Variants in COMMD10 observed in about 807,000 individuals in gnomAD.
The protein encoded by COMMD10 is COMM domain containing 10, also known as COMM domain-containing protein 10.
COMMD10 carries 33 observed loss-of-function variants against 28.9 expected under a neutral mutation model. That is an observed-to-expected ratio of 1.14 (90% CI 0.87 to 1.53). The LOEUF is 1.53. COMMD10 is among the 40% of genes most tolerant of loss of function. COMMD10 has a pLI of 0.00. For synonymous variants in COMMD10, 110 were observed against 81.7 expected, an observed-to-expected ratio of 1.35 and a Z score of -1.87; for missense variants, 310 against 233.4, an observed-to-expected ratio of 1.33 and a Z score of -2.14.
intron 5 of COMMD10, among the ~76,000 whole-genome samples, chr5:116,196,186 C>G (rs763419485): frequency 1.6e-4 from 25 of 152,228 alleles, no homozygotes; most frequent in Non-Finnish European, 3.2e-4. Flanking sequence ...GGAACCAACC[C>G]AAATAAATGC....
At chr5:116,266,685 C>CA (rs1750593389) in intron 5 of COMMD10, among the ~76,000 whole-genome samples, 1 of 151,696 alleles carries the variant, frequency 6.6e-6, no homozygotes, top group African/African-American at 2.4e-5. Flanking sequence ...AACATCGATG[C>CA]AAAAATCCTC....
intron 5 of COMMD10, among the ~76,000 whole-genome samples, chr5:116,206,007 T>C (rs551176327): frequency 6.6e-6 from 1 of 152,322 alleles, no homozygotes; most frequent in Non-Finnish European, 1.5e-5. Context: ...AAAAGGGCAC[T>C]TGAGAAACAA....
chr5:116,145,737 C>G (rs914799814), intron 5 of COMMD10, among the ~76,000 whole-genome samples: 1 of 151,798 alleles, frequency 6.6e-6, no homozygotes, highest in South Asian at 2.1e-4. Context: ...CCATGCTGTT[C>G]TCCTGATAGT....
At chr5:116,178,610 A>G (rs1747838367) in intron 5 of COMMD10, among the ~76,000 whole-genome samples, 1 of 152,098 alleles carries the variant, frequency 6.6e-6, no homozygotes, top group Non-Finnish European at 1.5e-5. Context: ...GTCCCTAAAA[A>G]CATTCACTAT....
chr5:116,259,632 C>A (rs1018648216), intron 5 of COMMD10, among the ~76,000 whole-genome samples: 1 of 151,546 alleles, frequency 6.6e-6, no homozygotes, highest in Non-Finnish European at 1.5e-5. Flanking sequence ...AATGAGAATC[C>A]CTTTTTACTT....
intron 5 of COMMD10, among the ~76,000 whole-genome samples, chr5:116,284,528 T>G (rs1401480825): frequency 1.3e-5 from 2 of 151,840 alleles, no homozygotes; most frequent in Non-Finnish European, 2.9e-5. Context: ...ATCCAGACTA[T>G]CTTTCTGACT....
intron 5 of COMMD10, among the ~76,000 whole-genome samples, chr5:116,199,458 T>A (rs1748608493): frequency 1.3e-5 from 2 of 152,206 alleles, no homozygotes; most frequent in Admixed American, 1.3e-4. Flanking sequence ...TTTTTTGTTT[T>A]TAATTTAATG....
chr5:116,286,173 C>T (rs1394182411), intron 5 of COMMD10, among the ~76,000 whole-genome samples: 1 of 151,608 alleles, frequency 6.6e-6, no homozygotes, highest in Non-Finnish European at 1.5e-5. Flanking sequence ...TCTTTTATAA[C>T]ACTTTTTTAT....
intron 4 of COMMD10, among the ~76,000 whole-genome samples, chr5:116,133,441 A>G (rs949378264): frequency 9.9e-5 from 15 of 152,222 alleles, no homozygotes; most frequent in African/African-American, 3.6e-4. Flanking sequence ...ATAACTGGGA[A>G]CGATAGTAAG....
At chr5:116,291,425 T>C in intron 5 of COMMD10, 92 bp from the exon 6 acceptor site, 19 of 874,612 alleles carry the variant, frequency 2.2e-5, no homozygotes, top group Non-Finnish European at 3.4e-5. Context: ...CAGAGGACAA[T>C]CTTATGTCAT....
At chr5:116,139,792 G>A (rs72804836) in intron 5 of COMMD10, among the ~76,000 whole-genome samples, 6 of 151,358 alleles carry the variant, frequency 4.0e-5, no homozygotes, top group African/African-American at 1.2e-4. Context: ...AAGGTATACG[G>A]CATGCTGTTT....
intron 5 of COMMD10, among the ~76,000 whole-genome samples, chr5:116,235,556 C>A (rs1013190629): frequency 2.6e-5 from 4 of 152,126 alleles, no homozygotes; most frequent in African/African-American, 9.7e-5. Flanking sequence ...ACTGGAGATA[C>A]AATTTCAGAG....
intron 4 of COMMD10, among the ~76,000 whole-genome samples, chr5:116,105,958 C>T (rs963818595): frequency 6.6e-6 from 1 of 152,104 alleles, no homozygotes; most frequent in African/African-American, 2.4e-5. Context: ...TCTCTATCTC[C>T]TTCAGTTCTG....
chr5:116,284,510 A>G (rs925209000), intron 5 of COMMD10, among the ~76,000 whole-genome samples: 4 of 151,884 alleles, frequency 2.6e-5, no homozygotes, highest in Admixed American at 2.0e-4. Context: ...AATATGCTAC[A>G]TTTTATTATC....
At chr5:116,115,697 C>A (rs1313347318) in intron 4 of COMMD10, among the ~76,000 whole-genome samples, 1 of 152,086 alleles carries the variant, frequency 6.6e-6, no homozygotes, top group Non-Finnish European at 1.5e-5. Flanking sequence ...CTATTTGGAG[C>A]TCTTTTACGT....
chr5:116,243,726 A>G (rs1468195482), intron 5 of COMMD10, among the ~76,000 whole-genome samples: 1 of 152,116 alleles, frequency 6.6e-6, no homozygotes, highest in African/African-American at 2.4e-5. Flanking sequence ...AACACCTACC[A>G]CCAGTAGTAT....
At chr5:116,283,418 C>A (rs1751127438) in intron 5 of COMMD10, among the ~76,000 whole-genome samples, 1 of 151,392 alleles carries the variant, frequency 6.6e-6, no homozygotes, top group Non-Finnish European at 1.5e-5. Context: ...ACAGTCTTGG[C>A]TCACTGCAAC....
At chr5:116,181,270 A>G (rs1370936081) in intron 5 of COMMD10, among the ~76,000 whole-genome samples, 2 of 152,010 alleles carry the variant, frequency 1.3e-5, no homozygotes, top group East Asian at 1.9e-4. Flanking sequence ...ATGTGAATGT[A>G]TGGTCAGTTG....
At chr5:116,120,278 C>G (rs183361933) in intron 4 of COMMD10, among the ~76,000 whole-genome samples, 25 of 152,034 alleles carry the variant, frequency 1.6e-4, no homozygotes, top group Non-Finnish European at 2.9e-4. Flanking sequence ...CTTACGTTCT[C>G]CCTTATTGGG....
Sources: allele counts gnomAD v4.1 joint callset (sites outside exome capture counted in the v4.1 genomes callset), GRCh38; gene constraint gnomAD v4.1.1; transcripts MANE v1.5; gene names NCBI Gene and HGNC (gene_info 2026-07-23, HGNC 2026-07-21).